ZCCHC24: variants seen among roughly 807,000 people sequenced by gnomAD.
ZCCHC24 encodes zinc finger CCHC-type containing 24.
ZCCHC24 carries 10 observed loss-of-function variants against 26.2 expected under a neutral mutation model. The observed-to-expected ratio is 0.38, with a 90% CI of 0.24 to 0.65. The LOEUF (loss-of-function observed/expected upper bound fraction) is 0.65. Among genes scored for constraint, ZCCHC24 ranks in the 30% least tolerant of loss-of-function variants. The pLI, the probability that ZCCHC24 is intolerant of heterozygous loss-of-function variation, is 0.54. For synonymous variants in ZCCHC24, 144 were observed against 147.1 expected, an observed-to-expected ratio of 0.98 and a Z score of 0.15; for missense variants, 243 against 329.1, an observed-to-expected ratio of 0.74 and a Z score of 2.03.
At chr10:79,387,471 C>T (rs1856413514) in intron 3 of ZCCHC24, among the ~76,000 whole-genome samples, 1 of 152,230 alleles carries the variant, frequency 6.6e-6, no homozygotes, top group African/African-American at 2.4e-5. Context: ...TTTATGGAGG[C>T]TATGACGAAG....
At chr10:79,409,750 G>A (rs1229464484) in intron 2 of ZCCHC24, among the ~76,000 whole-genome samples, 2 of 152,204 alleles carry the variant, frequency 1.3e-5, no homozygotes, top group Non-Finnish European at 2.9e-5. Flanking sequence ...GGCTCAATAG[G>A]GCCTCTGTCC....
At chr10:79,411,495 T>A (rs2132195158) in intron 2 of ZCCHC24, among the ~76,000 whole-genome samples, 1 of 152,066 alleles carries the variant, frequency 6.6e-6, no homozygotes, top group South Asian at 2.1e-4. Flanking sequence ...GGGTGTTGAG[T>A]CTGCAGCGGA....
intron 2 of ZCCHC24, among the ~76,000 whole-genome samples, chr10:79,428,351 TG>T (rs376555491): frequency 2.1e-5 from 3 of 140,602 alleles, no homozygotes; most frequent in African/African-American, 8.4e-5. Flanking sequence ...TGGTGGTTGC[TG>T]GGGGGCAGGG....
In ZCCHC24 at chr10:79,394,300, G is replaced by A; in HGVS notation, c.588C>T (p.His196=). Reference sequence around the variant, plus strand: ...CCTGCTTGTGTGGATACACGTTGATGTGGCACTTGATGCACTCCTGCCCCA... The same window carrying A: ...CCTGCTTGTGTGGATACACGTTGATATGGCACTTGATGCACTCCTGCCCCA... The part of the protein sequence containing the change: ...ANMGQECIKC[H]INVYPHKQRP... The change falls in exon 3 of 4, where the codon CAC becomes CAT. Residue 196 remains histidine, a synonymous_variant. Coordinates refer to ENST00000372336, the MANE Select transcript of ZCCHC24 (RefSeq NM_153367.4). 1 of 1,614,118 alleles carries A rather than the reference G, an allele frequency of 6.2e-7. No individual in the cohort carries two copies.
intron 1 of ZCCHC24, chr10:79,444,075 C>G: frequency 6.5e-7 from 1 of 1,537,778 alleles, no homozygotes; most frequent in African/African-American, 1.4e-5. Context: ...CCAACCCATT[C>G]AGGACTCTGA....
In ZCCHC24 at chr10:79,445,525, G is replaced by GC. The variant is rs555309446; in HGVS notation, c.-86dup. The GC allele has an allele frequency of 9.3e-5, 108 of 1,160,388 alleles. No individual in the cohort carries two copies. In the African/African-American group the frequency reaches 1.5e-3, roughly 16 times the overall value. 71.9% of individuals were successfully genotyped at this position (1,160,388 alleles called of 1,614,324 possible). A position where few individuals can be genotyped will look rare whatever the true frequency, so the allele number is the denominator to read the frequency against. On this transcript the variant is annotated 5_prime_UTR_variant, in exon 1 of 4. Transcript: ENST00000372336. The stretch of plus-strand genomic sequence containing the variant: ...GAGGGGCGGGCACCGGGGAGCCTGT[G>GC]CCCACTGCCCGCCTCCCGAGCCCCG...
intron 2 of ZCCHC24, among the ~76,000 whole-genome samples, chr10:79,407,914 G>T (rs1856741112): frequency 6.6e-6 from 1 of 152,174 alleles, no homozygotes; most frequent in Non-Finnish European, 1.5e-5. Context: ...GGGGTACTGG[G>T]GAGGGCTGGC....
At chr10:79,403,057 T>C (rs560909547) in intron 2 of ZCCHC24, among the ~76,000 whole-genome samples, 41 of 152,222 alleles carry the variant, frequency 2.7e-4, no homozygotes, top group African/African-American at 9.9e-4. Context: ...TCCAAAGAAG[T>C]CAGCCCTGTG....
At chr10:79,444,321 A>G in intron 1 of ZCCHC24, 1 of 1,339,352 alleles carries the variant, frequency 7.5e-7, no homozygotes, top group Non-Finnish European at 9.6e-7. Flanking sequence ...CTCTTCAAAA[A>G]GGGCTGGGAG....
In ZCCHC24 at chr10:79,383,414, T is replaced by A. The variant is rs2132167685; in HGVS notation, c.*2931A>T. The A allele has an allele frequency of 6.6e-6, 1 of 152,482 alleles. No homozygotes were observed. Among genetic ancestry groups the A allele is most frequent in the African/African-American group, 2.4e-5 (1 of 41,494 alleles). 9.4% of individuals were successfully genotyped at this position (152,482 alleles called of 1,614,324 possible). A position where few individuals can be genotyped will look rare whatever the true frequency, so the allele number is the denominator to read the frequency against. On this transcript the variant is annotated 3_prime_UTR_variant, in exon 4 of 4. Coordinates refer to ENST00000372336, the MANE Select transcript of ZCCHC24 (RefSeq NM_153367.4). The stretch of plus-strand genomic sequence containing the variant: ...CATATTTTTACAGACCAAAGCATAG[T>A]AAAAAACAAACAAAAACCAACCAAA...
At chr10:79,415,354 C>G (rs941871) in intron 2 of ZCCHC24, among the ~76,000 whole-genome samples, 1 of 152,154 alleles carries the variant, frequency 6.6e-6, no homozygotes, top group Admixed American at 6.5e-5. Flanking sequence ...CAGGGCAGGA[C>G]GGTGGGCAGA....
chr10:79,415,241 G>A (rs2132199245), intron 2 of ZCCHC24, among the ~76,000 whole-genome samples: 1 of 152,268 alleles, frequency 6.6e-6, no homozygotes, highest in African/African-American at 2.4e-5. Context: ...CTCCAGGAAG[G>A]CCTGCAATGA....
intron 1 of ZCCHC24, among the ~76,000 whole-genome samples, chr10:79,443,511 C>T (rs573953308): frequency 1.4e-4 from 22 of 152,328 alleles, no homozygotes; most frequent in African/African-American, 4.8e-4. Flanking sequence ...CAAGCACCCC[C>T]ATCAAATCAC....
At chr10:79,407,154 A>G (rs960488525) in intron 2 of ZCCHC24, among the ~76,000 whole-genome samples, 1 of 152,214 alleles carries the variant, frequency 6.6e-6, no homozygotes, top group Non-Finnish European at 1.5e-5. Flanking sequence ...GTGTGCACAC[A>G]TGGCCTCTTT....
chr10:79,389,544 G>GTGTA (rs1856445609), intron 3 of ZCCHC24, among the ~76,000 whole-genome samples: 1 of 151,768 alleles, frequency 6.6e-6, no homozygotes, highest in African/African-American at 2.4e-5. Context: ...GTGTGTGTGT[G>GTGTA]TGTGTGTGTG....
chr10:79,390,768 C>T (rs908025346), intron 3 of ZCCHC24, among the ~76,000 whole-genome samples: 36 of 152,110 alleles, frequency 2.4e-4, no homozygotes, highest in Admixed American at 1.9e-3. Context: ...GGACCGGAGT[C>T]GGTAGGGGGA....
intron 2 of ZCCHC24, among the ~76,000 whole-genome samples, chr10:79,427,075 A>G (rs1857038609): frequency 6.6e-6 from 1 of 152,154 alleles, no homozygotes. Context: ...AAAACAAAAA[A>G]AAAACAGTTA....
At chr10:79,407,606 C>T (rs1309318214) in intron 2 of ZCCHC24, among the ~76,000 whole-genome samples, 3 of 152,260 alleles carry the variant, frequency 2.0e-5, no homozygotes, top group Admixed American at 6.5e-5. Flanking sequence ...AGGGAGCCAC[C>T]GCCCCAGTGA....
chr10:79,403,816 A>G (rs1856671532), intron 2 of ZCCHC24, among the ~76,000 whole-genome samples: 1 of 152,154 alleles, frequency 6.6e-6, no homozygotes, highest in African/African-American at 2.4e-5. Context: ...TCAAAGTGCA[A>G]GGAACAATGG....
Sources: gnomAD v4.1 joint callset for allele counts (sites outside exome capture counted in the v4.1 genomes callset) on GRCh38, gnomAD v4.1.1 for gene constraint, MANE v1.5 for transcripts, NCBI Gene and HGNC (gene_info 2026-07-23, HGNC 2026-07-21) for gene names.